The following ZDHHC13 variants were observed in gnomAD, a reference collection of about 807,000 sequenced individuals.
ZDHHC13 encodes palmitoyltransferase ZDHHC13.
Under a neutral mutation model 86.0 loss-of-function variants are expected in ZDHHC13, and 85 were observed. The ratio of observed to expected loss-of-function variants is 0.99; its 90% confidence interval spans 0.83 to 1.18. The LOEUF (loss-of-function observed/expected upper bound fraction) is 1.18, where lower values mean the gene tolerates loss of function less well. Among genes scored for constraint, ZDHHC13 ranks in the 50% most tolerant of loss-of-function variants. The pLI is 0.00. For missense variants in ZDHHC13, 711 were observed against 730.2 expected, an observed-to-expected ratio of 0.97 and a Z score of 0.30; for synonymous variants, 263 against 246.4, an observed-to-expected ratio of 1.07 and a Z score of -0.63.
Position 19,176,023 on chromosome 11 carries a change from G to C in ZDHHC13, c.*63G>C, listed in dbSNP as rs1850356095. On this transcript the variant is annotated 3_prime_UTR_variant, in exon 17 of 17. Transcript: ENST00000446113. ...TGTTTATGTCGATGCCCTGTAGTTT[G>C]AAAGTGAAGTAAAGATTTAGAATTC... 6.6e-7 allele frequency: 1 copy of C among 1,513,766 alleles called. No individual in the cohort carries two copies. Among genetic ancestry groups the C allele is most frequent in the Admixed American group, 2.3e-5 (1 of 42,786 alleles). 93.8% of individuals were successfully genotyped at this position (1,513,766 alleles called of 1,614,324 possible).
chr11:19,136,370 A>C (rs2133384173), intron 1 of ZDHHC13, among the ~76,000 whole-genome samples: 1 of 152,280 alleles, frequency 6.6e-6, no homozygotes, highest in South Asian at 2.1e-4. Context: ...GGAAGTTTAG[A>C]GAAAAAAGAA....
At chr11:19,143,417 T>A (rs1849376422) in intron 2 of ZDHHC13, among the ~76,000 whole-genome samples, 1 of 152,252 alleles carries the variant, frequency 6.6e-6, no homozygotes, top group South Asian at 2.1e-4. Context: ...ACCCAATAAA[T>A]GTTCCTTGAA....
In ZDHHC13 at chr11:19,125,698, CTGTT is replaced by C. The variant is rs1848858931; in HGVS notation, c.27+8425_27+8428del. Among the ~76,000 whole-genome samples, 3 of 152,304 alleles carry C rather than the reference CTGTT, an allele frequency of 2.0e-5. No homozygotes were observed. The South Asian group carries it at 6.2e-4, about 32-fold the overall frequency. On this transcript the variant is annotated intron_variant, in intron 1 of 16. Coordinates refer to ENST00000446113, the MANE Select transcript of ZDHHC13 (RefSeq NM_019028.3). Reference sequence around the variant, plus strand: ...AAAGCTGGAAAACAACCCACGCAGACTGTTTGGATAGATTATCTGTGACGCACCC... The same window carrying C: ...AAAGCTGGAAAACAACCCACGCAGACTGGATAGATTATCTGTGACGCACCC...
chr11:19,164,967 G>A lies in ZDHHC13; in HGVS notation c.1297-85G>A, dbSNP rs980774560. 3.5e-6 allele frequency: 4 copies of A among 1,135,892 alleles called. No homozygotes were observed. The Middle Eastern group carries it at 7.8e-4, about 221-fold the overall frequency. The allele number at this position is 1,135,892 out of a possible 1,614,324, so 70.4% of individuals were successfully genotyped here. ...TTAGGATTTGTGCCAATGCCTCTGT[G>A]ACCTAAAGTTAAAATTTTGCTTGTG... On this transcript the variant is annotated intron_variant, in intron 12 of 16. Coordinates refer to ENST00000446113, the MANE Select transcript of ZDHHC13 (RefSeq NM_019028.3).
chr11:19,170,486 C>T lies in ZDHHC13; in HGVS notation c.1550C>T (p.Ser517Phe). Reference protein sequence around the residue: ...WTYLNQIVACSPWVLYILMLA... With the variant: ...WTYLNQIVACFPWVLYILMLA... ...TACCTCAATCAGATTGTGGCCTGTT[C>T]CCCTTGGGTTTTATATATCTTGATG... Residue 517 changes from serine to phenylalanine, a missense_variant, in exon 15 of 17, where the codon TCC becomes TTC. Physicochemically the swap from Ser to Phe is radical, Grantham distance 155. Transcript: ENST00000446113. 3 of 1,521,632 alleles carry T rather than the reference C, an allele frequency of 2.0e-6. No homozygotes were observed. Among genetic ancestry groups the T allele is most frequent in the Non-Finnish European group, 2.6e-6 (3 of 1,137,860 alleles). 94.3% of individuals were successfully genotyped at this position (1,521,632 alleles called of 1,614,324 possible).
chr11:19,148,577 C>G (rs532981582), intron 4 of ZDHHC13: 1 of 152,090 alleles, frequency 6.6e-6, no homozygotes, highest in South Asian at 2.1e-4. Context: ...TTCATTGTTA[C>G]CATGTCATAA....
At chr11:19,128,396 A>C (rs1848921490) in intron 1 of ZDHHC13, among the ~76,000 whole-genome samples, 1 of 152,214 alleles carries the variant, frequency 6.6e-6, no homozygotes, top group Non-Finnish European at 1.5e-5. Context: ...ATCTGCAAAC[A>C]GCGATAGTTT....
intron 1 of ZDHHC13, among the ~76,000 whole-genome samples, chr11:19,133,942 T>TATATATATATATATATATATATATACAC: frequency 0.012 from 1,119 of 95,284 alleles, 70 homozygotes; most frequent in Non-Finnish European, 0.018. Flanking sequence ...TATATATATA[T>TATATATATATATATATATATATATACAC]ACACGTATGT....
At chr11:19,166,681 T>A in intron 14 of ZDHHC13, 1 of 199,252 alleles carries the variant, frequency 5.0e-6, no homozygotes, top group Non-Finnish European at 9.8e-6. Flanking sequence ...AGTCAGCTGC[T>A]GAAGTACAAA....
Position 19,155,934 on chromosome 11 carries a change from G to A in ZDHHC13, c.1007+5G>A. On this transcript the variant is annotated splice_donor_5th_base_variant and intron_variant, in intron 9 of 16. Coordinates refer to ENST00000446113, the MANE Select transcript of ZDHHC13 (RefSeq NM_019028.3). ...TCTGACATCTTTGTTTCCAAGGTGT[G>A]TATGTTAATTTTTGCAAGGCTGGTT... 6.3e-7 allele frequency: 1 copy of A among 1,593,394 alleles called. No homozygotes were observed. The highest frequency in any genetic ancestry group is 8.5e-7 in the Non-Finnish European group (1 of 1,175,104).
intron 1 of ZDHHC13, among the ~76,000 whole-genome samples, chr11:19,123,560 A>G (rs1397691943): frequency 6.6e-6 from 1 of 152,138 alleles, no homozygotes; most frequent in Non-Finnish European, 1.5e-5. Context: ...AGGTGGTAGA[A>G]TCACTTGAGC....
chr11:19,134,934 A>G (rs943568837), intron 1 of ZDHHC13, among the ~76,000 whole-genome samples: 24 of 152,220 alleles, frequency 1.6e-4, no homozygotes, highest in Non-Finnish European at 3.4e-4. Context: ...TAGGAGGCTG[A>G]GGCAGGAGGA....
chr11:19,123,479 T>A (rs900049707), intron 1 of ZDHHC13, among the ~76,000 whole-genome samples: 3 of 151,952 alleles, frequency 2.0e-5, no homozygotes, highest in African/African-American at 7.3e-5. Context: ...ACGAGACCTA[T>A]CTACAGAAGA....
At chr11:19,157,409 G>A (rs1252362242) in intron 9 of ZDHHC13, among the ~76,000 whole-genome samples, 1 of 152,178 alleles carries the variant, frequency 6.6e-6, no homozygotes, top group Admixed American at 6.5e-5. Flanking sequence ...GCATAAGCAT[G>A]CCCTGCTTTT....
At chr11:19,127,518 T>G (rs1180253196) in intron 1 of ZDHHC13, among the ~76,000 whole-genome samples, 6 of 152,232 alleles carry the variant, frequency 3.9e-5, no homozygotes, top group Admixed American at 3.9e-4. Context: ...TTATGAAATC[T>G]TTGCCCATTC....
intron 1 of ZDHHC13, among the ~76,000 whole-genome samples, chr11:19,137,751 A>G (rs1385244484): frequency 6.6e-6 from 1 of 152,256 alleles, no homozygotes; most frequent in East Asian, 1.9e-4. Flanking sequence ...CTCAGGATTA[A>G]GAATCTCACT....
At chr11:19,156,937 A>G (rs771201340) in intron 9 of ZDHHC13, among the ~76,000 whole-genome samples, 1 of 152,212 alleles carries the variant, frequency 6.6e-6, no homozygotes. Flanking sequence ...CTCCTTGCCT[A>G]TGGGGTATGA....
intron 1 of ZDHHC13, among the ~76,000 whole-genome samples, chr11:19,135,438 G>A (rs964365555): frequency 3.3e-5 from 5 of 152,338 alleles, no homozygotes; most frequent in East Asian, 1.9e-4. Context: ...ATGGAGTCTC[G>A]CTGGATTGCT....
chr11:19,140,582 C>A (rs376569766), intron 1 of ZDHHC13, among the ~76,000 whole-genome samples: 1 of 152,046 alleles, frequency 6.6e-6, no homozygotes, highest in Non-Finnish European at 1.5e-5. Context: ...GCCCAAAGGA[C>A]TATAAATCAT....
Sources: allele counts gnomAD v4.1 joint callset (sites outside exome capture counted in the v4.1 genomes callset), GRCh38; gene constraint gnomAD v4.1.1; transcripts MANE v1.5; gene names NCBI Gene and HGNC (gene_info 2026-07-23, HGNC 2026-07-21).